Variants in ARHGAP6 observed in about 807,000 individuals in gnomAD.
The protein encoded by ARHGAP6 is rho GTPase-activating protein 6.
ARHGAP6 carries 16 observed loss-of-function variants against 55.7 expected under a neutral mutation model. The observed-to-expected ratio is 0.29, with a 90% confidence interval of 0.19 to 0.44. The LOEUF is 0.44. Among genes scored for constraint, ARHGAP6 ranks in the 20% least tolerant of loss-of-function variants. The pLI is 1.00. For missense variants in ARHGAP6, 698 were observed against 808.9 expected (o/e 0.86, Z 1.66); for synonymous variants, 382 against 360.9 (o/e 1.06, Z -0.66).
At chrX:11,453,757 G>C (rs2050167989) in intron 1 of ARHGAP6, among the ~76,000 whole-genome samples, 1 of 111,576 alleles carries the variant, frequency 9.0e-6, no homozygotes, top group Non-Finnish European at 1.9e-5. Flanking sequence ...GTTTTGTTTA[G>C]TATTTCCAAA....
intron 1 of ARHGAP6, among the ~76,000 whole-genome samples, chrX:11,467,126 T>A (rs2050301140): frequency 9.0e-6 from 1 of 111,565 alleles, no homozygotes; most frequent in African/African-American, 3.3e-5. Flanking sequence ...ACAAGTTGAA[T>A]GGGACAGTCC....
chrX:11,388,988 C>A (rs1262951960), intron 1 of ARHGAP6, among the ~76,000 whole-genome samples: 1 of 111,939 alleles, frequency 8.9e-6, no homozygotes, highest in Non-Finnish European at 1.9e-5. Context: ...CCTACAGATT[C>A]TTTTTCTGTT....
chrX:11,554,378 A>C (rs1462464857), intron 1 of ARHGAP6, among the ~76,000 whole-genome samples: 1 of 111,997 alleles, frequency 8.9e-6, no homozygotes, highest in East Asian at 2.8e-4. Context: ...AAGGTTCGAT[A>C]GCAGAGTACG....
chrX:11,420,591 G>T (rs755613374), intron 1 of ARHGAP6, among the ~76,000 whole-genome samples: 1 of 111,665 alleles, frequency 9.0e-6, no homozygotes, highest in East Asian at 2.8e-4. Context: ...ACCCTGGGCT[G>T]CTCAGGAGAT....
chrX:11,425,077 A>C (rs1411522518), intron 1 of ARHGAP6, among the ~76,000 whole-genome samples: 1 of 112,276 alleles, frequency 8.9e-6, no homozygotes, highest in Admixed American at 9.4e-5. Context: ...GAATGAATCA[A>C]ATGTGAGCCA....
At chrX:11,402,519 A>T (rs2049561596) in intron 1 of ARHGAP6, among the ~76,000 whole-genome samples, 4 of 111,161 alleles carry the variant, frequency 3.6e-5, no homozygotes. Context: ...GGCTTTATCC[A>T]CAACTATGCT....
chrX:11,241,100 A>G (rs2047271131), intron 2 of ARHGAP6, among the ~76,000 whole-genome samples: 1 of 107,690 alleles, frequency 9.3e-6, no homozygotes, highest in South Asian at 4.2e-4. Context: ...AAAAAGCAAT[A>G]TGAAGAAATG....
chrX:11,643,475 C>T (rs955525653), intron 1 of ARHGAP6, among the ~76,000 whole-genome samples: 3 of 111,666 alleles, frequency 2.7e-5, no homozygotes, highest in Non-Finnish European at 5.7e-5. Flanking sequence ...TAACTTACAC[C>T]AAGTAATATC....
chrX:11,431,918 A>G (rs1455117300), intron 1 of ARHGAP6, among the ~76,000 whole-genome samples: 3 of 112,079 alleles, frequency 2.7e-5, no homozygotes, highest in Non-Finnish European at 5.6e-5. Context: ...TCTCAACCCC[A>G]GCACTCTTGA....
chrX:11,155,553 G>A (rs2045852255), intron 10 of ARHGAP6, among the ~76,000 whole-genome samples: 1 of 111,766 alleles, frequency 8.9e-6, no homozygotes, highest in South Asian at 3.7e-4. Context: ...GCCCGCCTCG[G>A]CATCCCAAAG....
intron 1 of ARHGAP6, among the ~76,000 whole-genome samples, chrX:11,509,945 T>C (rs1225965528): frequency 8.9e-6 from 1 of 111,995 alleles, no homozygotes; most frequent in Non-Finnish European, 1.9e-5. Flanking sequence ...GTGTTCAGAA[T>C]GAGAGGACCT....
intron 1 of ARHGAP6, among the ~76,000 whole-genome samples, chrX:11,486,337 T>G (rs368101686): frequency 2.7e-5 from 3 of 111,924 alleles, no homozygotes; most frequent in African/African-American, 9.7e-5. Flanking sequence ...TCTGCATATG[T>G]AGAAACTTTA....
intron 1 of ARHGAP6, among the ~76,000 whole-genome samples, chrX:11,255,600 T>C (rs1383929285): frequency 9.0e-6 from 1 of 111,503 alleles, no homozygotes; most frequent in African/African-American, 3.3e-5. Flanking sequence ...TGTAGGGCTT[T>C]AAACTCTATG....
At chrX:11,467,680 A>G (rs1054536712) in intron 1 of ARHGAP6, among the ~76,000 whole-genome samples, 1 of 111,852 alleles carries the variant, frequency 8.9e-6, no homozygotes, top group Admixed American at 9.5e-5. Context: ...TATATAAAGT[A>G]CAAAAATGGC....
chrX:11,495,663 C>G (rs2050614692), intron 1 of ARHGAP6, among the ~76,000 whole-genome samples: 1 of 111,383 alleles, frequency 9.0e-6, no homozygotes, highest in African/African-American at 3.3e-5. Context: ...CCTAAGGATT[C>G]TCCTCTTTCC....
At chrX:11,438,246 T>A (rs1460867096) in intron 1 of ARHGAP6, among the ~76,000 whole-genome samples, 1 of 112,388 alleles carries the variant, frequency 8.9e-6, no homozygotes, top group Non-Finnish European at 1.9e-5. Flanking sequence ...GCCTCTTACT[T>A]TAAGGTTGGG....
rs1265883808 is a variant in ARHGAP6, at chrX:11,664,780, C to T, written c.49G>A (p.Ala17Thr). 8.3e-7 allele frequency: 1 copy of T among 1,203,195 alleles called. No individual in the cohort carries two copies. Among genetic ancestry groups the T allele is most frequent in the East Asian group, 3.0e-5 (1 of 33,496 alleles). Residue 17 changes from alanine to threonine, a missense_variant, in exon 1 of 13, where the codon GCT becomes ACT. By Grantham distance (58) the Ala-to-Thr change is moderately conservative (BLOSUM62 0). Around this residue, in one of 3 missense-constraint regions of ARHGAP6, gnomAD observed 164 missense variants for 149.2 expected, o/e 1.10. Transcript: ENST00000337414. ...TTGGCCGAGGCCGCGCTACTTGAAG[C>T]GGGCGAGGAACAGGAGAAGACGCTG... is the stretch of plus-strand genomic sequence containing the variant. ...LHSVFSCSSPASSSAASAKGF... is the reference protein window; with the variant it reads ...LHSVFSCSSPTSSSAASAKGF...
At chrX:11,482,845 A>G (rs2050470586) in intron 1 of ARHGAP6, among the ~76,000 whole-genome samples, 1 of 111,147 alleles carries the variant, frequency 9.0e-6, no homozygotes, top group Non-Finnish European at 1.9e-5. Context: ...TGGTGGGGTA[A>G]TCCCGATGGG....
intron 2 of ARHGAP6, among the ~76,000 whole-genome samples, chrX:11,241,531 C>CGTGT (rs55815640): frequency 0.015 from 1,411 of 91,671 alleles, 16 homozygotes; most frequent in East Asian, 0.054. Flanking sequence ...ATGCTGGATA[C>CGTGT]GTGTGTGTGT....
Sources: gnomAD v4.1 joint callset for allele counts (sites outside exome capture counted in the v4.1 genomes callset) on GRCh38, gnomAD v4.1.1 for gene constraint, gnomAD v4.1.1 regional missense constraint, MANE v1.5 for transcripts, NCBI Gene and HGNC (gene_info 2026-07-23, HGNC 2026-07-21) for gene names.